The following SAMD12 variants were observed in gnomAD, a reference collection of about 807,000 sequenced individuals.
The protein encoded by SAMD12 is sterile alpha motif domain containing 12.
SAMD12 carries 9 observed loss-of-function variants against 15.0 expected under a neutral mutation model. The observed-to-expected ratio is 0.60, with a 90% confidence interval of 0.36 to 1.05. The LOEUF (loss-of-function observed/expected upper bound fraction) is 1.05, where lower values mean the gene tolerates loss of function less well. SAMD12 is among the 50% of genes least tolerant of loss of function. SAMD12 has a pLI of 0.01. For missense variants in SAMD12, 230 were observed against 234.2 expected (o/e 0.98, Z 0.12); for synonymous variants, 86 against 90.1 (o/e 0.96, Z 0.25).
Position 118,356,762 on chromosome 8 carries a change from T to C in SAMD12, c.433+22798A>G, listed in dbSNP as rs186327494. ...AAACCTCACATGTCTCAAACTGACCTCTCTCATTTCCAGGACAACTCTCTG... is the reference window on the plus strand; with the variant it reads ...AAACCTCACATGTCTCAAACTGACCCCTCTCATTTCCAGGACAACTCTCTG... On this transcript the variant is annotated intron_variant, in intron 4 of 4. Transcript: ENST00000409003. Among the ~76,000 whole-genome samples, 47 of 150,442 alleles carry C rather than the reference T, an allele frequency of 3.1e-4. 1 individual carries two copies. The highest frequency in any genetic ancestry group is 1.0e-3 in the African/African-American group (41 of 39,796).
At chr8:118,577,020 C>T (rs2131249474) in intron 2 of SAMD12, among the ~76,000 whole-genome samples, 1 of 152,312 alleles carries the variant, frequency 6.6e-6, no homozygotes, top group Non-Finnish European at 1.5e-5. Context: ...TGTGGCGTGG[C>T]ATGGCATGCA....
intron 2 of SAMD12, among the ~76,000 whole-genome samples, chr8:118,469,431 C>T (rs541937674): frequency 9.0e-5 from 11 of 122,040 alleles, no homozygotes; most frequent in Non-Finnish European, 1.6e-4. Context: ...CTTTAACCTT[C>T]CTATCTAGGG....
At chr8:118,486,123 GAA>G (rs1227115890) in intron 2 of SAMD12, among the ~76,000 whole-genome samples, 1 of 152,170 alleles carries the variant, frequency 6.6e-6, no homozygotes, top group African/African-American at 2.4e-5. Flanking sequence ...AAACTTAAAA[GAA>G]GAGAGTAGGC....
chr8:118,527,148 C>T (rs1297394921), intron 2 of SAMD12, among the ~76,000 whole-genome samples: 1 of 152,134 alleles, frequency 6.6e-6, no homozygotes, highest in Non-Finnish European at 1.5e-5. Flanking sequence ...GGCTTGAGGC[C>T]ACATTGTCTC....
chr8:118,296,270 T>TG (rs1563741993), intron 4 of SAMD12, among the ~76,000 whole-genome samples: 1 of 152,216 alleles, frequency 6.6e-6, no homozygotes, highest in Admixed American at 6.5e-5. Context: ...CTCTCTGTGA[T>TG]GCCCTACACT....
intron 2 of SAMD12, among the ~76,000 whole-genome samples, chr8:118,536,670 T>A (rs923236507): frequency 2.0e-5 from 3 of 152,242 alleles, no homozygotes; most frequent in Non-Finnish European, 4.4e-5. Flanking sequence ...AACTTTGTTA[T>A]TCCCCACCCC....
chr8:118,290,271 G>T (rs1814290472), intron 4 of SAMD12, among the ~76,000 whole-genome samples: 1 of 152,112 alleles, frequency 6.6e-6, no homozygotes, highest in Non-Finnish European at 1.5e-5. Context: ...GCAATTAATG[G>T]CATTAAAAAC....
the SAMD12 span, among the ~76,000 whole-genome samples, chr8:118,139,775 C>T: frequency 3.9e-5 from 6 of 152,194 alleles, no homozygotes; most frequent in Non-Finnish European, 5.9e-5. Context: ...GGCTGGACCC[C>T]GTATCTTCTT....
chr8:118,511,331 A>T (rs1778134281), intron 2 of SAMD12, among the ~76,000 whole-genome samples: 1 of 152,220 alleles, frequency 6.6e-6, no homozygotes, highest in African/African-American at 2.4e-5. Flanking sequence ...AAACCATTAA[A>T]AACTGTAGGT....
chr8:118,584,249 T>C (rs1827371267), intron 1 of SAMD12, among the ~76,000 whole-genome samples: 2 of 152,234 alleles, frequency 1.3e-5, no homozygotes, highest in African/African-American at 4.8e-5. Context: ...TTTAAAACCA[T>C]TTTTGATAGA....
At chr8:118,185,324 G>A (rs999507234), downstream of SAMD12, among the ~76,000 whole-genome samples, 1 of 151,956 alleles carries the variant, frequency 6.6e-6, no homozygotes, top group Non-Finnish European at 1.5e-5. Flanking sequence ...TTGGATTCTT[G>A]TGCACCCATC....
At chr8:118,457,248 T>C (rs923197120) in intron 2 of SAMD12, among the ~76,000 whole-genome samples, 1 of 151,702 alleles carries the variant, frequency 6.6e-6, no homozygotes, top group African/African-American at 2.4e-5. Flanking sequence ...GTTTGCTTTT[T>C]AGAGACAAGG....
At chr8:118,165,626 A>ACACATATATACATATATATGTG in the SAMD12 span, among the ~76,000 whole-genome samples, 7 of 143,602 alleles carry the variant, frequency 4.9e-5, no homozygotes, top group African/African-American at 1.9e-4. Context: ...ATATATATAT[A>ACACATATATACATATATATGTG]TATATATATA....
chr8:118,333,878 G>C (rs1816922518), intron 4 of SAMD12, among the ~76,000 whole-genome samples: 1 of 149,464 alleles, frequency 6.7e-6, no homozygotes, highest in African/African-American at 2.5e-5. Flanking sequence ...GTGTGTGTGT[G>C]CGTTGGTGGG....
downstream of SAMD12, among the ~76,000 whole-genome samples, chr8:118,377,069 T>C (rs776987372): frequency 7.2e-4 from 109 of 152,146 alleles, no homozygotes; most frequent in Non-Finnish European, 1.3e-3. Flanking sequence ...AATAAGGCTA[T>C]GTATTTTCTG....
intron 1 of SAMD12, among the ~76,000 whole-genome samples, chr8:118,598,312 A>C (rs1827773391): frequency 6.6e-6 from 1 of 152,194 alleles, no homozygotes; most frequent in African/African-American, 2.4e-5. Context: ...AAAGTTAATA[A>C]AGCTGTAAGG....
Position 118,378,928 on chromosome 8 carries a change from G to T in SAMD12, c.*489C>A. 2 of 942,872 alleles carry T rather than the reference G, an allele frequency of 2.1e-6. No homozygotes were observed. The highest frequency in any genetic ancestry group is 2.5e-6 in the Non-Finnish European group (2 of 789,800). 58.4% of individuals were successfully genotyped at this position (942,872 alleles called of 1,614,324 possible). A position where few individuals can be genotyped will look rare whatever the true frequency, so the allele number is the denominator to read the frequency against. ...TTAAGAATTATATACTCTTAACAGT[G>T]TAGTTTTAGATTCACTATAGTCTAT... On this transcript the variant is annotated 3_prime_UTR_variant, in exon 4 of 4. Transcript: ENST00000314727.
At chr8:118,598,989 CTTTACTAA>C (rs1406945067) in intron 1 of SAMD12, among the ~76,000 whole-genome samples, 9 of 152,332 alleles carry the variant, frequency 5.9e-5, no homozygotes, top group Non-Finnish European at 1.0e-4. Context: ...GCCATCCATT[CTTTACTAA>C]GTCTGATTTC....
rs529873014 is a variant in SAMD12 at position 118,570,552 on chromosome 8, A to G, written c.192+10163T>C. Among the ~76,000 whole-genome samples, 4 of 152,282 alleles carry G rather than the reference A, an allele frequency of 2.6e-5. No homozygotes were observed. In the South Asian group the frequency reaches 6.2e-4, roughly 24 times the overall value. On this transcript the variant is annotated intron_variant, in intron 2 of 3. Coordinates refer to ENST00000314727, the MANE Select transcript of SAMD12 (RefSeq NM_207506.3). ...AAATGACATGATCTCATTCTTTTAT[A>G]CGGCTGCATAGTATTCCATGGGGAT...
Sources: gnomAD v4.1 joint callset for allele counts (sites outside exome capture counted in the v4.1 genomes callset) on GRCh38, gnomAD v4.1.1 for gene constraint, MANE v1.5 for transcripts, NCBI Gene and HGNC (gene_info 2026-07-23, HGNC 2026-07-21) for gene names.